CHD6: variants seen among roughly 807,000 people sequenced by gnomAD.
The protein encoded by CHD6 is chromodomain helicase DNA binding protein 6, also known as ATP-dependent chromatin remodeler CHD6.
Under a neutral mutation model 276.9 loss-of-function variants are expected in CHD6, and 50 were observed. That is an observed-to-expected ratio of 0.18 (90% CI 0.14 to 0.23). The LOEUF is 0.23. Ranked by LOEUF, CHD6 falls within the 10% of genes least tolerant of loss-of-function variation. The probability of loss-of-function intolerance (pLI) is 1.00; values close to 1 mark genes in which losing one functional copy is unlikely to be tolerated. For synonymous variants in CHD6, 1,173 were observed against 1,229.3 expected (o/e 0.95, Z 0.96); for missense variants, 2,564 against 3,365.8 (o/e 0.76, Z 5.89).
intron 1 of CHD6, among the ~76,000 whole-genome samples, chr20:41,578,396 T>C (rs6029725): frequency 3.3e-5 from 5 of 152,306 alleles, no homozygotes; most frequent in African/African-American, 1.2e-4. Flanking sequence ...TCCTCACAGT[T>C]TTTTAAAAAA....
At chr20:41,538,763 A>G (rs2044884380) in intron 2 of CHD6, among the ~76,000 whole-genome samples, 1 of 152,194 alleles carries the variant, frequency 6.6e-6, no homozygotes, top group Admixed American at 6.5e-5. Flanking sequence ...CATGTAGTGA[A>G]TTCTTATAAT....
chr20:41,568,200 A>T (rs978995770), intron 1 of CHD6, among the ~76,000 whole-genome samples: 6 of 152,244 alleles, frequency 3.9e-5, no homozygotes, highest in Non-Finnish European at 8.8e-5. Context: ...AAAATATTTC[A>T]AACAAATAAC....
chr20:41,465,330 C>G, intron 17 of CHD6, among the ~76,000 whole-genome samples: 1 of 152,180 alleles, frequency 6.6e-6, no homozygotes, highest in East Asian at 1.9e-4. Context: ...CACGCATCCC[C>G]TGATACAATG....
At chr20:41,597,702 A>C (rs1238239661) in intron 1 of CHD6, among the ~76,000 whole-genome samples, 1 of 152,116 alleles carries the variant, frequency 6.6e-6, no homozygotes, top group Admixed American at 6.5e-5. Flanking sequence ...AATGTTAAAG[A>C]AAAAAGCCTA....
At chr20:41,584,085 C>A (rs893497152) in intron 1 of CHD6, among the ~76,000 whole-genome samples, 3 of 151,890 alleles carry the variant, frequency 2.0e-5, no homozygotes, top group Non-Finnish European at 2.9e-5. Flanking sequence ...TATCACAATA[C>A]CCAGTTATAT....
At chr20:41,498,829 G>A (rs866397216) in intron 6 of CHD6, among the ~76,000 whole-genome samples, 96 of 147,218 alleles carry the variant, frequency 6.5e-4, no homozygotes, top group Admixed American at 1.3e-3. Context: ...GTGTGTGTGT[G>A]TGTGTGTGTG....
chr20:41,565,431 G>A (rs1184482365), intron 1 of CHD6, among the ~76,000 whole-genome samples: 1 of 152,178 alleles, frequency 6.6e-6, no homozygotes, highest in African/African-American at 2.4e-5. Context: ...TAGAATGCTG[G>A]TATTGGCAAG....
At chr20:41,425,605 A>C (rs1375610333) in intron 28 of CHD6, among the ~76,000 whole-genome samples, 3 of 152,204 alleles carry the variant, frequency 2.0e-5, no homozygotes, top group Admixed American at 1.3e-4. Context: ...TAATTCTGTT[A>C]TCTCTCAAAC....
chr20:41,595,777 C>G (rs1454961582), intron 1 of CHD6, among the ~76,000 whole-genome samples: 1 of 151,824 alleles, frequency 6.6e-6, no homozygotes, highest in Admixed American at 6.6e-5. Flanking sequence ...ACCAAAGAAC[C>G]CACCCTTGAA....
At chr20:41,573,206 G>T (rs1713419304) in intron 1 of CHD6, among the ~76,000 whole-genome samples, 1 of 152,130 alleles carries the variant, frequency 6.6e-6, no homozygotes, top group African/African-American at 2.4e-5. Flanking sequence ...ACTGCACCAG[G>T]CCAAGACCAT....
chr20:41,525,464 C>T (rs887416058), intron 3 of CHD6, among the ~76,000 whole-genome samples: 4 of 152,158 alleles, frequency 2.6e-5, no homozygotes, highest in Non-Finnish European at 5.9e-5. Context: ...GCAAACACAG[C>T]GCCTGCCTGA....
rs145723283 is a variant in CHD6 at position 41,506,661 on chromosome 20, T to C, written c.852+6185A>G. On this transcript the variant is annotated intron_variant, in intron 5 of 36. Transcript: ENST00000373233. ...ATTTAAGGTTTATTAACAGCCTCTC[T>C]CTATTTACTTCTACTCTTTAGAAGT... Among the ~76,000 whole-genome samples the C allele has an allele frequency of 6.3e-3, 964 of 152,344 alleles. 11 individuals carry two copies. The highest frequency in any genetic ancestry group is 0.024 in the Middle Eastern group (7 of 294).
chr20:41,454,024 G>C (rs1349794356), intron 20 of CHD6, among the ~76,000 whole-genome samples: 1 of 152,056 alleles, frequency 6.6e-6, no homozygotes, highest in Non-Finnish European at 1.5e-5. Flanking sequence ...ACATTTAAGG[G>C]GTGCCTCACA....
chr20:41,525,921 A>G (rs2044523055), intron 3 of CHD6, among the ~76,000 whole-genome samples: 1 of 152,192 alleles, frequency 6.6e-6, no homozygotes, highest in African/African-American at 2.4e-5. Context: ...AAAGCACCTC[A>G]AATTCATAAA....
rs1419720711 is a variant in CHD6 at position 41,554,997 on chromosome 20, GC to G, written c.-23-3638del. 5.3e-5 allele frequency among the ~76,000 whole-genome samples: 8 copies of G among 150,616 alleles called. No individual in the cohort carries two copies. The East Asian group carries it at 1.6e-3, about 31-fold the overall frequency. On this transcript the variant is annotated intron_variant, in intron 1 of 36. Transcript: ENST00000373233. ...CCTCACCTCCCGGACGGGGCGGCTG[GC>G]CGGGCGGGGGGCTGACCCCCCCACC...
At chr20:41,594,158 T>C (rs984737400) in intron 1 of CHD6, among the ~76,000 whole-genome samples, 1 of 152,196 alleles carries the variant, frequency 6.6e-6, no homozygotes. Context: ...CTCATAAAGG[T>C]GTTCCACAGT....
At chr20:41,414,141 T>C (rs2046925659) in intron 34 of CHD6, 1 of 152,198 alleles carries the variant, frequency 6.6e-6, no homozygotes, top group Admixed American at 6.5e-5. Flanking sequence ...GCTTGCAGGA[T>C]TGAGCAGGGA....
At chr20:41,461,247 C>G (rs577185642) in intron 17 of CHD6, among the ~76,000 whole-genome samples, 1 of 152,272 alleles carries the variant, frequency 6.6e-6, no homozygotes, top group South Asian at 2.1e-4. Context: ...GGACTGTGGA[C>G]TTTTGGGTTA....
intron 24 of CHD6, 36 bp from the exon 25 acceptor site, chr20:41,445,804 A>G: frequency 7.3e-7 from 1 of 1,363,690 alleles, no homozygotes; most frequent in South Asian, 1.2e-5. Context: ...AAACAACACA[A>G]AAGCTACTGG....
Sources: allele counts gnomAD v4.1 joint callset (sites outside exome capture counted in the v4.1 genomes callset), GRCh38; gene constraint gnomAD v4.1.1; transcripts MANE v1.5; gene names NCBI Gene and HGNC (gene_info 2026-07-23, HGNC 2026-07-21).